FER: variants seen among roughly 807,000 people sequenced by gnomAD.
FER encodes the protein FER tyrosine kinase, also known as tyrosine-protein kinase Fer.
In FER, 63 loss-of-function variants were observed where a neutral mutation model predicts 111.0. The ratio of observed to expected loss-of-function variants is 0.57; its 90% CI spans 0.46 to 0.70. The LOEUF (loss-of-function observed/expected upper bound fraction) is 0.70. FER is among the 30% of genes least tolerant of loss of function. FER has a pLI of 0.00. For synonymous variants in FER, 327 were observed against 313.9 expected, an observed-to-expected ratio of 1.04 and a Z score of -0.44; for missense variants, 914 against 954.0, an observed-to-expected ratio of 0.96 and a Z score of 0.55.
chr5:108,848,361 A>G (rs1297595682), intron 5 of FER, among the ~76,000 whole-genome samples: 1 of 152,090 alleles, frequency 6.6e-6, no homozygotes, highest in African/African-American at 2.4e-5. Flanking sequence ...GTCATTTTGC[A>G]GTTTATTTTC....
At chr5:109,071,207 G>A (rs1775724273) in intron 16 of FER, among the ~76,000 whole-genome samples, 1 of 152,004 alleles carries the variant, frequency 6.6e-6, no homozygotes. Context: ...TATCTCCTCA[G>A]TATCCTCTAG....
chr5:108,810,072 T>G (rs1757588200), intron 3 of FER, among the ~76,000 whole-genome samples: 1 of 148,708 alleles, frequency 6.7e-6, no homozygotes, highest in South Asian at 2.1e-4. Flanking sequence ...TCTTTTTTCT[T>G]TCTTTTCTTG....
chr5:109,072,230 GA>G (rs1199622460), intron 16 of FER, among the ~76,000 whole-genome samples: 3 of 149,192 alleles, frequency 2.0e-5, no homozygotes, highest in Admixed American at 2.0e-4. Context: ...AAACATGACA[GA>G]AAAAAAACCT....
chr5:108,919,106 T>TA (rs201363799), intron 10 of FER, among the ~76,000 whole-genome samples: 1,979 of 152,308 alleles, frequency 0.013, 42 homozygotes, highest in African/African-American at 0.044. Flanking sequence ...TTTTTAGGAT[T>TA]AAAAAATATT....
intron 10 of FER, among the ~76,000 whole-genome samples, chr5:108,934,277 C>T (rs868797657): frequency 3.3e-4 from 50 of 152,056 alleles, no homozygotes; most frequent in African/African-American, 1.2e-3. Context: ...TCATTTCACC[C>T]CCTCTGACCT....
intron 17 of FER, among the ~76,000 whole-genome samples, chr5:109,143,059 G>C (rs1753696197): frequency 6.6e-6 from 1 of 152,068 alleles, no homozygotes; most frequent in South Asian, 2.1e-4. Context: ...CTTTAATTTA[G>C]GCAAGGACCC....
chr5:109,078,589 C>T (rs1776641726), intron 16 of FER, among the ~76,000 whole-genome samples: 2 of 152,108 alleles, frequency 1.3e-5, no homozygotes. Flanking sequence ...TACTGACTCT[C>T]CCTCTTTCAC....
intron 3 of FER, among the ~76,000 whole-genome samples, chr5:108,814,930 G>C (rs367616643): frequency 2.4e-4 from 36 of 152,224 alleles, no homozygotes; most frequent in Middle Eastern, 3.4e-3. Flanking sequence ...GACCTAGGTA[G>C]CTATCTTTTT....
chr5:109,017,589 T>A (rs939570300), intron 13 of FER, among the ~76,000 whole-genome samples: 1 of 152,056 alleles, frequency 6.6e-6, no homozygotes, highest in African/African-American at 2.4e-5. Flanking sequence ...TATTTGCATA[T>A]CATAAATTTT....
At chr5:108,907,058 G>A (rs1348144911) in intron 10 of FER, among the ~76,000 whole-genome samples, 3 of 151,886 alleles carry the variant, frequency 2.0e-5, no homozygotes, top group African/African-American at 4.8e-5. Flanking sequence ...TGTCTTCATC[G>A]GTAAAATCTA....
At chr5:109,164,162 C>T (rs1561977905) in intron 17 of FER, among the ~76,000 whole-genome samples, 2 of 152,226 alleles carry the variant, frequency 1.3e-5, no homozygotes, top group South Asian at 2.1e-4. Context: ...TTTCAGAGGC[C>T]TTCGTCAGTC....
chr5:109,175,223 C>T (rs540858436), intron 17 of FER, among the ~76,000 whole-genome samples: 6 of 152,274 alleles, frequency 3.9e-5, no homozygotes, highest in East Asian at 1.9e-4. Context: ...CTATGATGAA[C>T]GTACAGTTTT....
At chr5:108,897,000 A>C (rs182718642) in intron 9 of FER, among the ~76,000 whole-genome samples, 1 of 152,174 alleles carries the variant, frequency 6.6e-6, no homozygotes, top group Admixed American at 6.5e-5. Flanking sequence ...TTCCCATTGA[A>C]GGCAGCCTCC....
In FER at chr5:108,883,433, C is replaced by G. The variant is rs1032523496; in HGVS notation, c.961C>G (p.Gln321Glu). ...AGCGGAAGAACTTATGCAAACACAGCAGATGCTTTTAAACAAGGAGGAGGC... is the reference window on the plus strand; with the variant it reads ...AGCGGAAGAACTTATGCAAACACAGGAGATGCTTTTAAACAAGGAGGAGGC... ...TLAEELMQTQ[Q>E]MLLNKEEAVL... The change falls in exon 9 of 20, where the codon CAG (glutamine) becomes GAG (glutamate). Residue 321 changes from glutamine (Q) to glutamate (E), a missense_variant. By Grantham distance (29) the Gln-to-Glu change is conservative. This residue lies in a region of FER where 774 missense variants were observed against 782.6 expected (regional missense o/e 0.99). Transcript: ENST00000281092. The G allele has an allele frequency of 3.1e-6, 5 of 1,608,496 alleles. No homozygotes were observed. The Admixed American group carries it at 8.4e-5, about 27-fold the overall frequency.
chr5:109,117,262 A>G (rs1056878363), intron 17 of FER, among the ~76,000 whole-genome samples: 6 of 152,118 alleles, frequency 3.9e-5, no homozygotes, highest in Non-Finnish European at 8.8e-5. Flanking sequence ...TGTACATTGG[A>G]TGAAATCATT....
At chr5:109,122,127 TCTTA>T (rs1156727087) in intron 17 of FER, among the ~76,000 whole-genome samples, 2 of 152,104 alleles carry the variant, frequency 1.3e-5, no homozygotes. Context: ...TTTAGTTTGT[TCTTA>T]CTTTTCTAGT....
At chr5:109,179,228 T>C (rs1228534811) in intron 17 of FER, among the ~76,000 whole-genome samples, 2 of 152,192 alleles carry the variant, frequency 1.3e-5, no homozygotes, top group Non-Finnish European at 2.9e-5. Flanking sequence ...GTAAAATTGT[T>C]TCCAAGAGAA....
chr5:109,003,732 C>A (rs1317119172), intron 13 of FER, among the ~76,000 whole-genome samples: 1 of 151,976 alleles, frequency 6.6e-6, no homozygotes, highest in Admixed American at 6.6e-5. Context: ...GTAATCCCAG[C>A]ACTTTGGGAG....
chr5:108,814,043 A>C (rs529136410), intron 3 of FER, among the ~76,000 whole-genome samples: 122 of 152,130 alleles, frequency 8.0e-4, no homozygotes, highest in Non-Finnish European at 1.5e-3. Flanking sequence ...CTTTTGACTT[A>C]ATATATTTAT....
Sources: gnomAD v4.1 joint callset for allele counts (sites outside exome capture counted in the v4.1 genomes callset) on GRCh38, gnomAD v4.1.1 for gene constraint, gnomAD v4.1.1 regional missense constraint, MANE v1.5 for transcripts, NCBI Gene and HGNC (gene_info 2026-07-23, HGNC 2026-07-21) for gene names.